The following SAPCD2 variants were observed in gnomAD, a reference collection of about 807,000 sequenced individuals.
The protein encoded by SAPCD2 is suppressor APC domain containing 2.
A neutral mutation model predicts 37.8 loss-of-function variants in SAPCD2; 34 were observed. The observed-to-expected ratio is 0.90, with a 90% CI of 0.68 to 1.20. SAPCD2 has a LOEUF of 1.20. Among genes scored for constraint, SAPCD2 ranks in the 50% most tolerant of loss-of-function variants. The pLI is 0.00. For missense variants in SAPCD2, 572 were observed against 584.7 expected, an observed-to-expected ratio of 0.98 and a Z score of 0.22; for synonymous variants, 275 against 270.3, an observed-to-expected ratio of 1.02 and a Z score of -0.17.
At chr9:137,064,826 C>T in intron 5 of SAPCD2, 37 bp downstream of exon 5, 1 of 1,580,946 alleles carries the variant, frequency 6.3e-7, no homozygotes, top group Admixed American at 1.8e-5. Context: ...TGCGGGGCCT[C>T]ACCCCCACCC....
chr9:137,069,607 G>A (rs886166098), intron 1 of SAPCD2, among the ~76,000 whole-genome samples: 2 of 152,196 alleles, frequency 1.3e-5, no homozygotes, highest in African/African-American at 2.4e-5. Flanking sequence ...GCTCCCGGTG[G>A]GTTTTCTGAG....
In SAPCD2 at chr9:137,062,910, G is replaced by T. The variant is rs1418275953; in HGVS notation, c.*1749C>A. On this transcript the variant is annotated 3_prime_UTR_variant, in exon 6 of 6. Coordinates refer to ENST00000409687, the MANE Select transcript of SAPCD2 (RefSeq NM_178448.4). Reference sequence around the variant, plus strand: ...CTTCAGCTGCGGGGTCCAGCTCTATGTGGGCGGTCTCCTGATGAAGTCACC... The same window carrying T: ...CTTCAGCTGCGGGGTCCAGCTCTATTTGGGCGGTCTCCTGATGAAGTCACC... 1 of 152,232 alleles carries T rather than the reference G, an allele frequency of 6.6e-6. No individual in the cohort carries two copies. Among genetic ancestry groups the T allele is most frequent in the Non-Finnish European group, 1.5e-5 (1 of 68,042 alleles). The allele number at this position is 152,232 out of a possible 1,614,324, so 9.4% of individuals were successfully genotyped here. A position where few individuals can be genotyped will look rare whatever the true frequency, so the allele number is the denominator to read the frequency against.
intron 4 of SAPCD2, 29 bp downstream of exon 4, chr9:137,065,049 G>A (rs755758653): frequency 7.3e-6 from 11 of 1,498,122 alleles, no homozygotes; most frequent in African/African-American, 1.4e-5. Context: ...GGGCCCCAGC[G>A]TGGGTGTGGG....
intron 1 of SAPCD2, among the ~76,000 whole-genome samples, chr9:137,068,627 G>T (rs528163576): frequency 2.0e-5 from 3 of 152,368 alleles, no homozygotes; most frequent in Non-Finnish European, 2.9e-5. Context: ...CACGCCATTT[G>T]TCTGGCCCTC....
chr9:137,065,510 T>C lies in SAPCD2; in HGVS notation c.831+12A>G, dbSNP rs760208266. 15 of 1,589,602 alleles carry C rather than the reference T, an allele frequency of 9.4e-6. No individual in the cohort carries two copies. The highest frequency in any genetic ancestry group is 1.3e-5 in the Non-Finnish European group (15 of 1,165,400). ...ATGTGTGGGGATCTGGGGACAGGGC[T>C]GTGGCACTCACGGCGCTGGCTCTGC... On this transcript the variant is annotated intron_variant, in intron 3 of 5. Coordinates refer to ENST00000409687, the MANE Select transcript of SAPCD2 (RefSeq NM_178448.4).
chr9:137,066,408 C>T, intron 1 of SAPCD2, 34 bp from the exon 2 acceptor site: 1 of 1,495,012 alleles, frequency 6.7e-7, no homozygotes, highest in Non-Finnish European at 9.1e-7. Flanking sequence ...GGCTCACCTC[C>T]AGACCTGCCT....
rs375764463 is a variant in SAPCD2 at position 137,066,381 on chromosome 9, T to C, written c.572-7A>G. The C allele has an allele frequency of 1.7e-5, 27 of 1,579,448 alleles. No homozygotes were observed. Among genetic ancestry groups the C allele is most frequent in the Non-Finnish European group, 2.2e-5 (26 of 1,161,246 alleles). On this transcript the variant is annotated splice_region_variant and splice_polypyrimidine_tract_variant and intron_variant, in intron 1 of 5. Coordinates refer to ENST00000409687, the MANE Select transcript of SAPCD2 (RefSeq NM_178448.4). ...GCCCTGCACGCCACTGCACCTGTTA[T>C]GGAGAGGCATGGGCCTGGCTCACCT...
Position 137,064,099 on chromosome 9 carries a change from A to C in SAPCD2, c.*560T>G, listed in dbSNP as rs545124462. ...GGCCAGAACCTGAAGTCCGACCGCT[A>C]TCCCTGGGGCTCCCCAGCCAGGCAG... is the stretch of plus-strand genomic sequence containing the variant. On this transcript the variant is annotated 3_prime_UTR_variant, in exon 6 of 6. Coordinates refer to ENST00000409687, the MANE Select transcript of SAPCD2 (RefSeq NM_178448.4). The C allele has an allele frequency of 2.4e-5, 4 of 170,194 alleles. No individual in the cohort carries two copies. The South Asian group carries it at 5.1e-4, about 22-fold the overall frequency. The allele number at this position is 170,194 out of a possible 1,614,324, so 10.5% of individuals were successfully genotyped here. A position where few individuals can be genotyped will look rare whatever the true frequency, so the allele number is the denominator to read the frequency against.
intron 1 of SAPCD2, among the ~76,000 whole-genome samples, chr9:137,069,348 C>T (rs1159992079): frequency 6.6e-6 from 1 of 152,226 alleles, no homozygotes; most frequent in Non-Finnish European, 1.5e-5. Context: ...CACGCCCCTG[C>T]CCATCTTGGC....
chr9:137,068,170 C>G, intron 1 of SAPCD2, among the ~76,000 whole-genome samples: 1 of 152,242 alleles, frequency 6.6e-6, no homozygotes, highest in East Asian at 1.9e-4. Flanking sequence ...AATTCGCACT[C>G]CAGCCTGCGG....
Position 137,064,239 on chromosome 9 carries a change from C to T in SAPCD2, c.*420G>A, listed in dbSNP as rs1049026243. The stretch of plus-strand genomic sequence containing the variant: ...CGGGAAGCTGCCCTTGGACCCGCGT[C>T]GGAGCCGCCCCGCGCCCTCTGCTGC... On this transcript the variant is annotated 3_prime_UTR_variant, in exon 6 of 6. Transcript: ENST00000409687. 6 of 229,422 alleles carry T rather than the reference C, an allele frequency of 2.6e-5. No homozygotes were observed. Among genetic ancestry groups the T allele is most frequent in the South Asian group, 4.8e-5 (1 of 20,762 alleles). 14.2% of individuals were successfully genotyped at this position (229,422 alleles called of 1,614,324 possible).
chr9:137,064,350 C>A lies in SAPCD2; in HGVS notation c.*309G>T, dbSNP rs1832509296. 2 of 440,872 alleles carry A rather than the reference C, an allele frequency of 4.5e-6. No homozygotes were observed. Among genetic ancestry groups the A allele is most frequent in the Admixed American group, 8.0e-5 (2 of 25,154 alleles). The allele number at this position is 440,872 out of a possible 1,614,324, so 27.3% of individuals were successfully genotyped here. On this transcript the variant is annotated 3_prime_UTR_variant, in exon 6 of 6. Coordinates refer to ENST00000409687, the MANE Select transcript of SAPCD2 (RefSeq NM_178448.4). ...CGGCACCGCTGGAAACGGGGGGACG[C>A]TAACTCATGGAGGGGTACCCCACTG...
chr9:137,068,262 CAG>C (rs1309716083), intron 1 of SAPCD2, among the ~76,000 whole-genome samples: 10 of 152,206 alleles, frequency 6.6e-5, no homozygotes, highest in African/African-American at 2.4e-4. Context: ...AGGGTACAGA[CAG>C]AGGGAGGCCA....
At chr9:137,065,420 C>T in intron 3 of SAPCD2, 102 bp downstream of exon 3, 1 of 1,365,886 alleles carries the variant, frequency 7.3e-7, no homozygotes, top group Non-Finnish European at 9.8e-7. Flanking sequence ...GAATCGACAG[C>T]CACTGTGTCC....
chr9:137,065,242 G>C, intron 3 of SAPCD2, 57 bp from the exon 4 acceptor site: 1 of 1,285,666 alleles, frequency 7.8e-7, no homozygotes, highest in South Asian at 1.5e-5. Context: ...GGGCCAGCAA[G>C]GTGCCTTGAT....
At chr9:137,068,895 C>T (rs1354303512) in intron 1 of SAPCD2, among the ~76,000 whole-genome samples, 1 of 152,242 alleles carries the variant, frequency 6.6e-6, no homozygotes, top group Non-Finnish European at 1.5e-5. Context: ...CTAGGGGTCC[C>T]CCAGCCTGGT....
rs888628803 is a variant in SAPCD2, at chr9:137,065,067, G to A, written c.939+11C>T. 7.9e-6 allele frequency: 12 copies of A among 1,518,532 alleles called. No homozygotes were observed. The highest frequency in any genetic ancestry group is 2.1e-5 in the Admixed American group (1 of 48,458). The allele number at this position is 1,518,532 out of a possible 1,614,324, so 94.1% of individuals were successfully genotyped here. Reference sequence around the variant, plus strand: ...CCCCAGCGTGGGTGTGGGGGTTTGGGGTACACTCACCCGGCTGGCACAGGC... The same window carrying A: ...CCCCAGCGTGGGTGTGGGGGTTTGGAGTACACTCACCCGGCTGGCACAGGC... On this transcript the variant is annotated intron_variant, in intron 4 of 5. Transcript: ENST00000409687.
intron 1 of SAPCD2, among the ~76,000 whole-genome samples, chr9:137,069,036 G>T (rs1253503380): frequency 6.6e-6 from 1 of 152,364 alleles, no homozygotes; most frequent in East Asian, 1.9e-4. Flanking sequence ...GCAGCACAGG[G>T]ACCGGCAGGA....
intron 1 of SAPCD2, 77 bp from the exon 2 acceptor site, chr9:137,066,451 C>T: frequency 9.1e-7 from 1 of 1,095,724 alleles, no homozygotes; most frequent in Non-Finnish European, 1.3e-6. Context: ...GCGGCCTCCA[C>T]ATCTCAGCCC....
Sources: gnomAD v4.1 joint callset for allele counts (sites outside exome capture counted in the v4.1 genomes callset) on GRCh38, gnomAD v4.1.1 for gene constraint, MANE v1.5 for transcripts, NCBI Gene and HGNC (gene_info 2026-07-23, HGNC 2026-07-21) for gene names.